DLG1: variants seen among roughly 807,000 people sequenced by gnomAD.
DLG1 encodes disks large homolog 1.
Under a neutral mutation model 123.4 loss-of-function variants are expected in DLG1, and 42 were observed. The ratio of observed to expected loss-of-function variants is 0.34; its 90% confidence interval spans 0.27 to 0.44. The LOEUF (loss-of-function observed/expected upper bound fraction) is 0.44. DLG1 is among the 20% of genes least tolerant of loss of function. The pLI is 1.00. For missense variants in DLG1, 942 were observed against 1,082.6 expected (o/e 0.87, Z 1.82); for synonymous variants, 317 against 356.2 (o/e 0.89, Z 1.24).
intron 5 of DLG1, among the ~76,000 whole-genome samples, chr3:197,182,681 G>C (rs1713043059): frequency 7.0e-6 from 1 of 142,146 alleles, no homozygotes; most frequent in Admixed American, 7.2e-5. Flanking sequence ...TGATGTCAGA[G>C]GACAAATGCA....
chr3:197,136,863 T>G (rs995740974), intron 9 of DLG1, among the ~76,000 whole-genome samples, 185 bp from the exon 10 acceptor site: 30 of 152,268 alleles, frequency 2.0e-4, no homozygotes, highest in Non-Finnish European at 1.0e-4. Flanking sequence ...CAGCTGCTCC[T>G]AGAGTTACGA....
At chr3:197,226,154 G>A (rs955334170) in intron 4 of DLG1, 6 of 152,102 alleles carry the variant, frequency 3.9e-5, no homozygotes, top group Non-Finnish European at 7.4e-5. Context: ...TACTATGATT[G>A]GAATTAAAAT....
chr3:197,052,841 G>A (rs999370164), intron 23 of DLG1, among the ~76,000 whole-genome samples: 43 of 152,224 alleles, frequency 2.8e-4, no homozygotes, highest in African/African-American at 9.9e-4. Context: ...GAATCTATAG[G>A]TTAAACAACT....
chr3:197,216,258 T>TA (rs982822417), intron 4 of DLG1, among the ~76,000 whole-genome samples: 5 of 152,248 alleles, frequency 3.3e-5, no homozygotes, highest in Non-Finnish European at 5.9e-5. Context: ...TCCTTTTTTT[T>TA]ACTTAAGCTT....
chr3:197,158,765 G>C (rs1342317440), intron 5 of DLG1, among the ~76,000 whole-genome samples: 1 of 151,536 alleles, frequency 6.6e-6, no homozygotes, highest in Non-Finnish European at 1.5e-5. Context: ...ACACCTAGTA[G>C]GCCCCTAGAG....
Position 197,104,925 on chromosome 3 carries a change from A to C in DLG1, c.1524T>G (p.Ile508Met), listed in dbSNP as rs766179146. The C allele has an allele frequency of 1.2e-6, 2 of 1,613,136 alleles. No homozygotes were observed. Among genetic ancestry groups the C allele is most frequent in the South Asian group, 2.2e-5 (2 of 90,984 alleles). ...ALKNAGQAVT[I>M]VAQYRPEEYS... ...TACCTTCAGGTCGATATTGTGCAAC[A>C]ATTGTGACAGCCTGGCCAGCATTTT... The change falls in exon 14 of 25, where the codon ATT (isoleucine) becomes ATG (methionine). Residue 508 changes from isoleucine to methionine, a missense_variant. By Grantham distance (10) the Ile-to-Met change is conservative. Transcript: ENST00000667157.
intron 4 of DLG1, among the ~76,000 whole-genome samples, chr3:197,213,253 AAAC>A (rs1367308928): frequency 1.3e-5 from 2 of 152,238 alleles, no homozygotes. Context: ...CTGCTGACAC[AAAC>A]AACCTCAATG....
intron 22 of DLG1, among the ~76,000 whole-genome samples, chr3:197,063,928 A>AT (rs34773162): frequency 0.21 from 27,789 of 132,322 alleles, 3,222 homozygotes; most frequent in East Asian, 0.37. Context: ...CTTAATTTAC[A>AT]TTTTTTTTTT....
chr3:197,183,600 A>G (rs1278932283), intron 5 of DLG1: 4 of 1,550,390 alleles, frequency 2.6e-6, no homozygotes, highest in Non-Finnish European at 3.5e-6. Flanking sequence ...GGCTACCGAG[A>G]TGCAGTCAAT....
At chr3:197,274,752 A>T (rs1765590012) in intron 4 of DLG1, among the ~76,000 whole-genome samples, 1 of 152,250 alleles carries the variant, frequency 6.6e-6, no homozygotes, top group Admixed American at 6.5e-5. Flanking sequence ...AGAATATATA[A>T]GGAGCAACAA....
intron 4 of DLG1, among the ~76,000 whole-genome samples, chr3:197,242,879 T>C (rs534907829): frequency 4.1e-4 from 62 of 152,196 alleles, no homozygotes; most frequent in African/African-American, 1.4e-3. Context: ...CACAGCAGGA[T>C]TGCTTGAGAC....
intron 4 of DLG1, among the ~76,000 whole-genome samples, chr3:197,230,515 ATTG>A (rs1201552808): frequency 6.6e-6 from 1 of 152,304 alleles, no homozygotes; most frequent in Admixed American, 6.5e-5. Flanking sequence ...ATGCTGAGTT[ATTG>A]TTACTATCAT....
intron 4 of DLG1, among the ~76,000 whole-genome samples, chr3:197,249,752 T>C (rs1197136383): frequency 2.0e-5 from 3 of 152,234 alleles, no homozygotes; most frequent in East Asian, 1.9e-4. Context: ...AATGCAAGGA[T>C]GGTGTGACAT....
chr3:197,184,598 GATTA>G (rs1009153533), intron 5 of DLG1, among the ~76,000 whole-genome samples: 10 of 152,162 alleles, frequency 6.6e-5, no homozygotes, highest in African/African-American at 2.4e-4. Context: ...TCTCAAGGTA[GATTA>G]ATTACTAAAA....
intron 23 of DLG1, among the ~76,000 whole-genome samples, chr3:197,055,193 C>T (rs1730819620): frequency 6.6e-6 from 1 of 152,110 alleles, no homozygotes; most frequent in African/African-American, 2.4e-5. Flanking sequence ...TTCAAGTGAT[C>T]CTCTCGTCTC....
At chr3:197,150,982 T>C (rs900862308) in intron 5 of DLG1, among the ~76,000 whole-genome samples, 2 of 152,078 alleles carry the variant, frequency 1.3e-5, no homozygotes, top group Non-Finnish European at 2.9e-5. Context: ...CATTAAATAA[T>C]AGTCTACCTT....
At chr3:197,183,848 C>T in intron 5 of DLG1, 4 of 1,536,714 alleles carry the variant, frequency 2.6e-6, no homozygotes, top group Admixed American at 2.0e-5. Context: ...AGGCTTACTT[C>T]TCTACCAGCT....
At chr3:197,294,515 G>A (rs536284952) in intron 3 of DLG1, among the ~76,000 whole-genome samples, 4 of 152,078 alleles carry the variant, frequency 2.6e-5, no homozygotes, top group South Asian at 2.1e-4. Context: ...AAAATTAGCC[G>A]GACGTGGTGG....
chr3:197,059,026 C>A (rs568111594), intron 23 of DLG1, among the ~76,000 whole-genome samples: 1 of 152,150 alleles, frequency 6.6e-6, no homozygotes, highest in Admixed American at 6.5e-5. Context: ...CCTGGGTTCA[C>A]GCCATTCTCC....
Sources: allele counts gnomAD v4.1 joint callset (sites outside exome capture counted in the v4.1 genomes callset), GRCh38; gene constraint gnomAD v4.1.1; transcripts MANE v1.5; gene names NCBI Gene and HGNC (gene_info 2026-07-23, HGNC 2026-07-21).